Variants in SLC8A1 observed in about 807,000 individuals in gnomAD.
SLC8A1 encodes the protein sodium/calcium exchanger 1.
Under a neutral mutation model 68.3 loss-of-function variants are expected in SLC8A1, and 18 were observed. The ratio of observed to expected loss-of-function variants is 0.26; its 90% CI spans 0.18 to 0.39. The LOEUF (loss-of-function observed/expected upper bound fraction) is 0.39, where lower values mean the gene tolerates loss of function less well. Among genes scored for constraint, SLC8A1 ranks in the 10% least tolerant of loss-of-function variants. The pLI is 1.00. For missense variants in SLC8A1, 985 were observed against 1,156.7 expected (o/e 0.85, Z 2.15); for synonymous variants, 475 against 415.5 (o/e 1.14, Z -1.74).
chr2:40,476,930 A>G (rs1474184558), intron 1 of SLC8A1, among the ~76,000 whole-genome samples: 1 of 152,192 alleles, frequency 6.6e-6, no homozygotes, highest in Admixed American at 6.5e-5. Flanking sequence ...TTTAATGCCT[A>G]CTGCATATTT....
intron 2 of SLC8A1, among the ~76,000 whole-genome samples, chr2:40,226,734 C>G (rs1056761477): frequency 4.6e-5 from 7 of 152,152 alleles, no homozygotes; most frequent in Admixed American, 2.6e-4. Context: ...ATAAGAGAAG[C>G]AAATGCAGGC....
intron 1 of SLC8A1, among the ~76,000 whole-genome samples, chr2:40,441,005 G>A (rs1366946560): frequency 2.0e-5 from 3 of 152,148 alleles, no homozygotes; most frequent in Non-Finnish European, 4.4e-5. Flanking sequence ...GTTTGCAGAT[G>A]ACATAATTCT....
At chr2:40,449,249 A>G (rs1305854758) in intron 1 of SLC8A1, among the ~76,000 whole-genome samples, 3 of 151,922 alleles carry the variant, frequency 2.0e-5, no homozygotes, top group African/African-American at 4.8e-5. Flanking sequence ...TCTATGAGCT[A>G]AATGAATGCC....
At chr2:40,255,383 G>C (rs780430631) in intron 2 of SLC8A1, among the ~76,000 whole-genome samples, 1 of 152,104 alleles carries the variant, frequency 6.6e-6, no homozygotes, top group Non-Finnish European at 1.5e-5. Flanking sequence ...ATGCCACCCA[G>C]CTATTGGACT....
exon 8 of SLC8A1, chr2:40,111,197 T>A (rs1252800457): frequency 6.6e-6 from 1 of 152,192 alleles, no homozygotes. Context: ...AAGGATGGAA[T>A]CAGGAAATTT....
At chr2:40,458,759 A>T (rs919758224) in intron 1 of SLC8A1, among the ~76,000 whole-genome samples, 5 of 152,156 alleles carry the variant, frequency 3.3e-5, no homozygotes. Flanking sequence ...CTAAGCTCTT[A>T]TTTGGACCAA....
chr2:40,392,196 GAAAGA>G (rs896293777), intron 2 of SLC8A1, among the ~76,000 whole-genome samples: 6 of 149,866 alleles, frequency 4.0e-5, no homozygotes, highest in Admixed American at 2.7e-4. Flanking sequence ...AAAGAAAAAA[GAAAGA>G]AAAGAAAAAG....
At chr2:40,244,267 A>G (rs11124737) in intron 2 of SLC8A1, among the ~76,000 whole-genome samples, 94,046 of 151,884 alleles carry the variant, frequency 0.62, 31,461 homozygotes, top group Non-Finnish European at 0.77. Flanking sequence ...GTGCACATGA[A>G]GAGACCCACA....
intron 2 of SLC8A1, among the ~76,000 whole-genome samples, chr2:40,230,977 T>G (rs1243133097): frequency 6.6e-6 from 1 of 152,174 alleles, no homozygotes; most frequent in African/African-American, 2.4e-5. Flanking sequence ...TGTCCAGACT[T>G]TATCATCAAA....
At chr2:40,397,643 T>C (rs1687407925) in intron 2 of SLC8A1, among the ~76,000 whole-genome samples, 1 of 152,160 alleles carries the variant, frequency 6.6e-6, no homozygotes, top group Non-Finnish European at 1.5e-5. Flanking sequence ...ACCACATATG[T>C]ATAGTTTCAT....
chr2:40,312,233 C>G (rs1032955138), intron 2 of SLC8A1, among the ~76,000 whole-genome samples: 38 of 152,142 alleles, frequency 2.5e-4, no homozygotes, highest in Non-Finnish European at 2.9e-5. Flanking sequence ...GAAAGCCCTA[C>G]TAGTAATGGA....
chr2:40,456,838 G>T (rs926460367), upstream of SLC8A1, among the ~76,000 whole-genome samples: 1 of 152,120 alleles, frequency 6.6e-6, no homozygotes, highest in Non-Finnish European at 1.5e-5. Context: ...TGATTATGCT[G>T]TTGTTTTTGT....
intron 1 of SLC8A1, among the ~76,000 whole-genome samples, chr2:40,438,990 T>G (rs1699994964): frequency 6.6e-6 from 1 of 152,062 alleles, no homozygotes; most frequent in Admixed American, 6.6e-5. Context: ...CTAATATCAG[T>G]AAGATGTTGA....
At chr2:40,234,453 T>A (rs989769254) in intron 2 of SLC8A1, among the ~76,000 whole-genome samples, 2 of 152,182 alleles carry the variant, frequency 1.3e-5, no homozygotes, top group Non-Finnish European at 2.9e-5. Context: ...TGATTTTGTA[T>A]CCTGAGACTT....
intron 2 of SLC8A1, among the ~76,000 whole-genome samples, chr2:40,404,210 T>C (rs1290198301): frequency 1.3e-5 from 2 of 152,202 alleles, no homozygotes; most frequent in Non-Finnish European, 2.9e-5. Context: ...TAATTCTCTA[T>C]AGCTTTTACA....
chr2:40,362,438 C>G (rs1674895769), intron 2 of SLC8A1, among the ~76,000 whole-genome samples: 2 of 152,028 alleles, frequency 1.3e-5, no homozygotes, highest in Non-Finnish European at 2.9e-5. Flanking sequence ...AAATTACCAA[C>G]TACCAAAATA....
chr2:40,461,472 T>C (rs1479581170), intron 1 of SLC8A1, among the ~76,000 whole-genome samples: 1 of 152,182 alleles, frequency 6.6e-6, no homozygotes, highest in African/African-American at 2.4e-5. Flanking sequence ...TCCGGTCTTC[T>C]TTCTATGACA....
intron 2 of SLC8A1, among the ~76,000 whole-genome samples, chr2:40,332,983 G>A (rs2076572016): frequency 6.6e-6 from 1 of 152,276 alleles, no homozygotes; most frequent in Non-Finnish European, 1.5e-5. Flanking sequence ...TGCAATACAA[G>A]CTGAAATAAA....
At chr2:40,303,978 A>ACAGG (rs1369369644) in intron 2 of SLC8A1, among the ~76,000 whole-genome samples, 3 of 152,214 alleles carry the variant, frequency 2.0e-5, no homozygotes, top group African/African-American at 7.2e-5. Flanking sequence ...TTAGGTTGTG[A>ACAGG]CAGGCACCCG....
Sources: allele counts gnomAD v4.1 joint callset (sites outside exome capture counted in the v4.1 genomes callset), GRCh38; gene constraint gnomAD v4.1.1; transcripts MANE v1.5; gene names NCBI Gene and HGNC (gene_info 2026-07-23, HGNC 2026-07-21).